CPSF3: variants seen among roughly 807,000 people sequenced by gnomAD.
CPSF3 encodes the protein cleavage and polyadenylation specific factor 3, also known as cleavage and polyadenylation specificity factor subunit 3.
In CPSF3, 57 loss-of-function variants were observed where a neutral mutation model predicts 84.1. The ratio of observed to expected loss-of-function variants is 0.68; its 90% CI spans 0.55 to 0.85. The LOEUF (loss-of-function observed/expected upper bound fraction) is 0.85, where lower values mean the gene tolerates loss of function less well. Ranked by LOEUF, CPSF3 falls within the 40% of genes least tolerant of loss-of-function variation. CPSF3 has a pLI of 0.00. For synonymous variants in CPSF3, 275 were observed against 278.1 expected, an observed-to-expected ratio of 0.99 and a Z score of 0.11; for missense variants, 522 against 838.8, an observed-to-expected ratio of 0.62 and a Z score of 4.66.
chr2:9,444,575 G>A (rs1408220713), intron 10 of CPSF3, among the ~76,000 whole-genome samples: 3 of 152,102 alleles, frequency 2.0e-5, no homozygotes, highest in Middle Eastern at 3.2e-3. Context: ...AATAGATGAC[G>A]TGCCCTTTCC....
chr2:9,471,241 A>G lies in CPSF3; in HGVS notation c.1857-102A>G, dbSNP rs115474409. The G allele has an allele frequency of 5.4e-3, 3,871 of 712,852 alleles. 110 individuals are homozygous for G. In the African/African-American group the frequency reaches 0.063, roughly 12 times the overall value. The allele number at this position is 712,852 out of a possible 1,614,324, so 44.2% of individuals were successfully genotyped here. On this transcript the variant is annotated intron_variant, in intron 16 of 17. Transcript: ENST00000238112. ...AAAAAAAAAGAAAAAAAGTAAATAC[A>G]GTATTCTGCTTTAGAACTAGGACCT... is the stretch of plus-strand genomic sequence containing the variant.
chr2:9,455,989 A>G (rs1334371243), intron 13 of CPSF3, among the ~76,000 whole-genome samples: 1 of 152,198 alleles, frequency 6.6e-6, no homozygotes, highest in East Asian at 1.9e-4. Flanking sequence ...ATTAAAAAAG[A>G]AAATATACTC....
chr2:9,433,782 G>A (rs1028234097), intron 5 of CPSF3, 89 bp from the exon 6 acceptor site: 6 of 829,398 alleles, frequency 7.2e-6, no homozygotes, highest in Non-Finnish European at 1.2e-5. Context: ...AACTGTAACT[G>A]CACTTTTGGA....
Position 9,423,688 on chromosome 2 carries a change from T to A in CPSF3, c.-86T>A, listed in dbSNP as rs1680199146. On this transcript the variant is annotated 5_prime_UTR_variant, in exon 1 of 18. Coordinates refer to ENST00000238112, the MANE Select transcript of CPSF3 (RefSeq NM_016207.4). ...GCTCTTGGTGAATGGGGTTCTTCCTTTTTTATTTACCGGTGGCTGTGCTTC... is the reference window on the plus strand; with the variant it reads ...GCTCTTGGTGAATGGGGTTCTTCCTATTTTATTTACCGGTGGCTGTGCTTC... 1 of 1,541,582 alleles carries A rather than the reference T, an allele frequency of 6.5e-7. No homozygotes were observed. The highest frequency in any genetic ancestry group is 1.7e-4 in the Middle Eastern group (1 of 5,840).
chr2:9,436,798 G>A (rs1572774315), intron 7 of CPSF3, among the ~76,000 whole-genome samples: 1 of 74,648 alleles, frequency 1.3e-5, no homozygotes, highest in Admixed American at 1.1e-4. Flanking sequence ...ATAATAATAG[G>A]GATTTGGATC....
rs1300424741 is a variant in CPSF3, at chr2:9,430,904, C to T, written c.341+24C>T. The T allele has an allele frequency of 1.9e-6, 3 of 1,600,484 alleles. No individual in the cohort carries two copies. In the East Asian group the frequency reaches 6.7e-5, roughly 36 times the overall value. On this transcript the variant is annotated intron_variant, in intron 4 of 17. Coordinates refer to ENST00000238112, the MANE Select transcript of CPSF3 (RefSeq NM_016207.4). ...AGGTAAATTACTTTATTAGATTATACACGACTTTGGCTCTATATGGCATGT... is the reference window on the plus strand; with the variant it reads ...AGGTAAATTACTTTATTAGATTATATACGACTTTGGCTCTATATGGCATGT...
At chr2:9,430,454 G>T (rs922518633) in intron 3 of CPSF3, among the ~76,000 whole-genome samples, 1 of 152,176 alleles carries the variant, frequency 6.6e-6, no homozygotes, top group African/African-American at 2.4e-5. Context: ...ACTTTATTCT[G>T]TTAAAATGTT....
chr2:9,463,112 C>G (rs962003697), intron 15 of CPSF3, among the ~76,000 whole-genome samples: 1 of 152,228 alleles, frequency 6.6e-6, no homozygotes, highest in African/African-American at 2.4e-5. Flanking sequence ...ATCTGACATT[C>G]TGGCATGTCC....
At chr2:9,432,995 A>G (rs954830207) in intron 5 of CPSF3, among the ~76,000 whole-genome samples, 4 of 152,208 alleles carry the variant, frequency 2.6e-5, no homozygotes, top group African/African-American at 4.8e-5. Flanking sequence ...CTGGTTAGGG[A>G]AGAGGTGTCT....
chr2:9,433,598 A>G (rs183416767), intron 5 of CPSF3, among the ~76,000 whole-genome samples: 1 of 152,308 alleles, frequency 6.6e-6, no homozygotes, highest in East Asian at 1.9e-4. Context: ...AGTTCAGAGC[A>G]CTTCTCAAGT....
Position 9,430,822 on chromosome 2 carries a change from A to C in CPSF3, c.283A>C (p.Met95Leu). 6.2e-7 allele frequency: 1 copy of C among 1,613,264 alleles called. No homozygotes were observed. The highest frequency in any genetic ancestry group is 8.5e-7 in the Non-Finnish European group (1 of 1,179,242). Residue 95 changes from methionine (M) to leucine (L), a missense_variant, in exon 4 of 18, where the codon ATG becomes CTG. Around this residue, in one of 2 missense-constraint regions of CPSF3, gnomAD observed 329 missense variants for 607.2 expected, o/e 0.54. Coordinates refer to ENST00000238112, the MANE Select transcript of CPSF3 (RefSeq NM_016207.4). ...QKTSFKGRTF[M>L]THATKAIYRW... ...GACAAGTTTCAAAGGAAGAACATTTATGACTCATGCCACAAAAGCTATTTA... is the reference window on the plus strand; with the variant it reads ...GACAAGTTTCAAAGGAAGAACATTTCTGACTCATGCCACAAAAGCTATTTA...
At position 9,467,579 on chromosome 2, in the gene CPSF3, T is replaced by C. The variant is rs568442986; in HGVS notation, c.1787-128T>C. 326 of 553,226 alleles carry C rather than the reference T, an allele frequency of 5.9e-4. 1 individual carries two copies. Among genetic ancestry groups the C allele is most frequent in the Middle Eastern group, 2.4e-3 (5 of 2,098 alleles). The allele number at this position is 553,226 out of a possible 1,614,324, so 34.3% of individuals were successfully genotyped here. The stretch of plus-strand genomic sequence containing the variant: ...GCAGGCAAATAATACAAATCCCTGC[T>C]TGTCACTTTAAGGATTCCATAGTTA... On this transcript the variant is annotated intron_variant, in intron 15 of 17. Transcript: ENST00000238112.
chr2:9,466,263 CAAA>C (rs1558466175), intron 15 of CPSF3, among the ~76,000 whole-genome samples: 8 of 47,024 alleles, frequency 1.7e-4, no homozygotes, highest in African/African-American at 3.4e-4. Flanking sequence ...CACACGCACA[CAAA>C]GACGCACGCA....
chr2:9,455,878 A>G, intron 13 of CPSF3, 121 bp downstream of exon 13: 1 of 656,364 alleles, frequency 1.5e-6, no homozygotes. Context: ...AGTTTTATAA[A>G]TATGTGTGAT....
chr2:9,455,818 A>G (rs889637876), intron 13 of CPSF3, 61 bp downstream of exon 13: 9 of 1,205,066 alleles, frequency 7.5e-6, no homozygotes, highest in South Asian at 2.7e-5. Context: ...ATAATTTTCT[A>G]TCTAGAAAAG....
intron 7 of CPSF3, among the ~76,000 whole-genome samples, 157 bp downstream of exon 7, chr2:9,436,518 A>G (rs909910154): frequency 1.3e-5 from 2 of 152,150 alleles, no homozygotes; most frequent in African/African-American, 4.8e-5. Context: ...TCACGCCTGT[A>G]ATCCCAGCAC....
intron 10 of CPSF3, among the ~76,000 whole-genome samples, chr2:9,446,656 C>T (rs950620620): frequency 6.6e-6 from 1 of 150,806 alleles, no homozygotes; most frequent in Non-Finnish European, 1.5e-5. Context: ...TACTTGGAGG[C>T]TGAGGCATGA....
intron 9 of CPSF3, 88 bp from the exon 10 acceptor site, chr2:9,443,426 GA>G: frequency 6.0e-6 from 8 of 1,336,160 alleles, no homozygotes; most frequent in Non-Finnish European, 8.2e-6. Flanking sequence ...AATTTAACAT[GA>G]ATTTATGACT....
intron 11 of CPSF3, among the ~76,000 whole-genome samples, chr2:9,451,971 C>G (rs1681348453): frequency 6.6e-6 from 1 of 152,090 alleles, no homozygotes; most frequent in Non-Finnish European, 1.5e-5. Flanking sequence ...CTGCCTTGGC[C>G]TCCCAAAATG....
Sources: allele counts gnomAD v4.1 joint callset (sites outside exome capture counted in the v4.1 genomes callset), GRCh38; gene constraint gnomAD v4.1.1; regional missense constraint gnomAD v4.1.1; transcripts MANE v1.5; gene names NCBI Gene and HGNC (gene_info 2026-07-23, HGNC 2026-07-21).